Variants in AGO4 observed in about 807,000 individuals in gnomAD.
The protein encoded by AGO4 is protein argonaute-4.
Under a neutral mutation model 104.7 loss-of-function variants are expected in AGO4, and 33 were observed. The ratio of observed to expected loss-of-function variants is 0.32; its 90% confidence interval spans 0.24 to 0.42. The LOEUF (loss-of-function observed/expected upper bound fraction) is 0.42, where lower values mean the gene tolerates loss of function less well. Among genes scored for constraint, AGO4 ranks in the 10% least tolerant of loss-of-function variants. The pLI is 1.00. For missense variants in AGO4, 711 were observed against 1,083.4 expected (o/e 0.66, Z 4.83); for synonymous variants, 331 against 364.7 (o/e 0.91, Z 1.05).
At chr1:35,835,549 C>A (rs543543558) in intron 12 of AGO4, among the ~76,000 whole-genome samples, 151 of 152,160 alleles carry the variant, frequency 9.9e-4, no homozygotes, top group African/African-American at 3.5e-3. Flanking sequence ...AGAGGAGCAT[C>A]AAGGAGCTGA....
rs1643992187 is a variant in AGO4 at position 35,825,360 on chromosome 1, T to C, written c.354T>C (p.Phe118=). 6.2e-7 allele frequency: 1 copy of C among 1,614,104 alleles called. No individual in the cohort carries two copies. The highest frequency in any genetic ancestry group is 1.1e-5 in the South Asian group (1 of 91,082). ...TLPGEGKDQT[F]KVSVQWVSVV... is the part of the protein sequence containing the mutation. ...CAGGCGAGGGTAAAGACCAAACATT[T>C]AAAGTGTCTGTTCAGTGGGTGTCAG... Residue 118 remains phenylalanine, a synonymous_variant, in exon 4 of 18, where the codon TTT becomes TTC. Coordinates refer to ENST00000373210, the MANE Select transcript of AGO4 (RefSeq NM_017629.4).
In AGO4 at chr1:35,851,888, G is replaced by A. The variant is rs72902958; in HGVS notation, c.2477+835G>A. 1.8e-3 allele frequency among the ~76,000 whole-genome samples: 277 copies of A among 152,286 alleles called. 2 individuals are homozygous for A. Among genetic ancestry groups the A allele is most frequent in the African/African-American group, 6.2e-3 (258 of 41,548 alleles). On this transcript the variant is annotated intron_variant, in intron 17 of 17. Coordinates refer to ENST00000373210, the MANE Select transcript of AGO4 (RefSeq NM_017629.4). ...TGAGTAAGACATGTTTCTTGTCCAC[G>A]GGGATTTTATGTTTCAGTATGGGAG...
intron 15 of AGO4, among the ~76,000 whole-genome samples, chr1:35,849,907 C>G (rs1644660861): frequency 6.6e-6 from 1 of 152,064 alleles, no homozygotes; most frequent in African/African-American, 2.4e-5. Context: ...TAGCCCAAAG[C>G]CACGGGTAAA....
chr1:35,843,775 T>G (rs1490808691), intron 15 of AGO4, among the ~76,000 whole-genome samples: 1 of 152,224 alleles, frequency 6.6e-6, no homozygotes, highest in African/African-American at 2.4e-5. Flanking sequence ...TCTCTCCACC[T>G]GTCTGTCAAC....
At chr1:35,844,485 C>T (rs1008103545) in intron 15 of AGO4, among the ~76,000 whole-genome samples, 2 of 152,156 alleles carry the variant, frequency 1.3e-5, no homozygotes, top group South Asian at 4.1e-4. Flanking sequence ...AAGTCCCCTA[C>T]CCTATTCATA....
At chr1:35,839,243 C>T (rs1400913118) in intron 13 of AGO4, among the ~76,000 whole-genome samples, 2 of 152,160 alleles carry the variant, frequency 1.3e-5, no homozygotes, top group African/African-American at 4.8e-5. Flanking sequence ...AGCCTCCCAA[C>T]ACAGTTCTCA....
intron 2 of AGO4, among the ~76,000 whole-genome samples, chr1:35,822,211 G>A (rs1474702690): frequency 2.0e-5 from 3 of 151,688 alleles, no homozygotes; most frequent in East Asian, 2.0e-4. Flanking sequence ...ACTTATCATC[G>A]TTCAGTGATG....
intron 8 of AGO4, 41 bp from the exon 9 acceptor site, chr1:35,831,771 G>A (rs535454885): frequency 6.8e-6 from 11 of 1,611,154 alleles, no homozygotes; most frequent in African/African-American, 4.0e-5. Flanking sequence ...TTAAGATGTG[G>A]AACCCTTTAC....
At position 35,842,516 on chromosome 1, in the gene AGO4, T is replaced by C. The variant is rs1264395321; in HGVS notation, c.2175+766T>C. 2.0e-5 allele frequency among the ~76,000 whole-genome samples: 3 copies of C among 152,162 alleles called. No individual in the cohort carries two copies. In the East Asian group the frequency reaches 5.8e-4, roughly 29 times the overall value. ...ATCTGTAAAATGTGGTTAAGAACAA[T>C]ATCTGACCTGGCGCTGTGGCTCACG... is the stretch of plus-strand genomic sequence containing the variant. On this transcript the variant is annotated intron_variant, in intron 15 of 17. Coordinates refer to ENST00000373210, the MANE Select transcript of AGO4 (RefSeq NM_017629.4).
intron 15 of AGO4, among the ~76,000 whole-genome samples, chr1:35,843,974 A>G (rs149394049): frequency 5.9e-5 from 9 of 152,288 alleles, no homozygotes; most frequent in African/African-American, 2.2e-4. Flanking sequence ...CCTCTTGCCA[A>G]TCCACTTGCC....
At position 35,832,134 on chromosome 1, in the gene AGO4, A is replaced by G; in HGVS notation, c.1194A>G (p.Thr398=). The G allele has an allele frequency of 6.2e-7, 1 of 1,614,206 alleles. No homozygotes were observed. The highest frequency in any genetic ancestry group is 1.6e-4 in the Middle Eastern group (1 of 6,062). The part of the protein sequence containing the change: ...EFGIVVHNEM[T]ELTGRVLPAP... ...GTATTGTTGTCCACAATGAAATGAC[A>G]GAGCTCACAGGCAGGGTACTTCCAG... is the stretch of plus-strand genomic sequence containing the variant. Residue 398 remains threonine, a synonymous_variant, in exon 10 of 18, where the codon ACA becomes ACG. Coordinates refer to ENST00000373210, the MANE Select transcript of AGO4 (RefSeq NM_017629.4).
intron 2 of AGO4, among the ~76,000 whole-genome samples, chr1:35,818,734 C>T (rs559194672): frequency 2.6e-5 from 4 of 151,088 alleles, no homozygotes; most frequent in Non-Finnish European, 5.9e-5. Flanking sequence ...TTCTGGATTG[C>T]TGGAGTGAGT....
chr1:35,824,165 G>A lies in AGO4; in HGVS notation c.307-1148G>A, dbSNP rs1287007665. 2.6e-5 allele frequency among the ~76,000 whole-genome samples: 4 copies of A among 151,984 alleles called. No individual in the cohort carries two copies. The East Asian group carries it at 7.7e-4, about 29-fold the overall frequency. ...ATTTTTTTTAAATTAGAAAAGTACT[G>A]TGTGAACATATGCTCATAATAAATT... On this transcript the variant is annotated intron_variant, in intron 3 of 17. Coordinates refer to ENST00000373210, the MANE Select transcript of AGO4 (RefSeq NM_017629.4).
At chr1:35,850,744 GCA>G in intron 16 of AGO4, 108 bp from the exon 17 acceptor site, 1 of 843,130 alleles carries the variant, frequency 1.2e-6, no homozygotes, top group East Asian at 2.8e-5. Context: ...TCGTACCACT[GCA>G]CTCCAGCCTA....
At chr1:35,851,294 C>G (rs1304934183) in intron 17 of AGO4, 2 of 522,042 alleles carry the variant, frequency 3.8e-6, no homozygotes, top group Middle Eastern at 5.4e-4. Flanking sequence ...TTGTGGTTCT[C>G]CCATGGAGCC....
intron 15 of AGO4, among the ~76,000 whole-genome samples, chr1:35,848,072 T>G (rs1465420204): frequency 6.6e-6 from 1 of 152,190 alleles, no homozygotes; most frequent in African/African-American, 2.4e-5. Context: ...CAGGTGTCCT[T>G]TTGTAGTTAA....
chr1:35,831,821 A>G lies in AGO4; in HGVS notation c.1006A>G (p.Ile336Val). ...CTTTGTCTCTTGGCAGGTCTGTAAT[A>G]TAGTGGCAGGACAGCGATGTATCAA... ...HTYLPLEVCN[I>V]VAGQRCIKKL... is the part of the protein sequence containing the mutation. The change falls in exon 9 of 18, where the codon ATA (isoleucine) becomes GTA (valine). Residue 336 changes from isoleucine (I) to valine (V), a missense_variant. This residue lies in a region of AGO4 where 401 missense variants were observed against 665.5 expected (regional missense o/e 0.60). Coordinates refer to ENST00000373210, the MANE Select transcript of AGO4 (RefSeq NM_017629.4). 6.2e-7 allele frequency: 1 copy of G among 1,614,098 alleles called. No homozygotes were observed. Among genetic ancestry groups the G allele is most frequent in the Non-Finnish European group, 8.5e-7 (1 of 1,180,002 alleles).
intron 15 of AGO4, among the ~76,000 whole-genome samples, chr1:35,842,711 A>G (rs1644473484): frequency 6.6e-6 from 1 of 152,134 alleles, no homozygotes. Flanking sequence ...CTGAGGCAGG[A>G]GAATCGCTTG....
intron 13 of AGO4, among the ~76,000 whole-genome samples, chr1:35,839,983 G>A (rs927317161): frequency 6.0e-5 from 9 of 149,220 alleles, no homozygotes; most frequent in Non-Finnish European, 7.4e-5. Flanking sequence ...AAAAAAAAAA[G>A]GGTATTGTTT....
Sources: allele counts gnomAD v4.1 joint callset (sites outside exome capture counted in the v4.1 genomes callset), GRCh38; gene constraint gnomAD v4.1.1; regional missense constraint gnomAD v4.1.1; transcripts MANE v1.5; gene names NCBI Gene and HGNC (gene_info 2026-07-23, HGNC 2026-07-21).